Variants in IL2RB observed in about 807,000 individuals in gnomAD.
IL2RB encodes the protein interleukin 2 receptor subunit beta.
In IL2RB, 17 loss-of-function variants were observed where a neutral mutation model predicts 44.2. The ratio of observed to expected loss-of-function variants is 0.38; its 90% CI spans 0.26 to 0.58. IL2RB has a LOEUF of 0.58. Ranked by LOEUF, IL2RB falls within the 20% of genes least tolerant of loss-of-function variation. The probability of loss-of-function intolerance (pLI) is 0.63; values close to 1 mark genes in which losing one functional copy is unlikely to be tolerated. For missense variants in IL2RB, 624 were observed against 685.5 expected (o/e 0.91, Z 1.00); for synonymous variants, 286 against 297.9 (o/e 0.96, Z 0.41).
chr22:37,135,307 A>G, intron 8 of IL2RB, 21 bp downstream of exon 8: 1 of 1,556,200 alleles, frequency 6.4e-7, no homozygotes, highest in Non-Finnish European at 8.9e-7. Flanking sequence ...GCATGAAGGA[A>G]GGGGAGGAGA....
rs775761563 is a variant in IL2RB at position 37,128,995 on chromosome 22, AGC to A, written c.904-149_904-148del. The A allele has an allele frequency of 2.0e-6, 2 of 994,040 alleles. No individual in the cohort carries two copies. Among genetic ancestry groups the A allele is most frequent in the Non-Finnish European group, 2.9e-6 (2 of 697,932 alleles). The allele number at this position is 994,040 out of a possible 1,614,324, so 61.6% of individuals were successfully genotyped here. A position where few individuals can be genotyped will look rare whatever the true frequency, so the allele number is the denominator to read the frequency against. On this transcript the variant is annotated intron_variant, in intron 9 of 9. Transcript: ENST00000216223. This position sits in a 1 kb window ranked among gnomAD's most constrained non-coding sequence, Gnocchi z 4.5. ...CATCCAGGAAGCTCTCCCTGATTATAGCCCCGCACTCCCCCAACCCACCCACT... is the reference window on the plus strand; with the variant it reads ...CATCCAGGAAGCTCTCCCTGATTATACCCGCACTCCCCCAACCCACCCACT...
At position 37,143,523 on chromosome 22, in the gene IL2RB, T is replaced by C. The variant is rs1922067438; in HGVS notation, c.201A>G (p.Arg67=). 1 of 1,603,982 alleles carries C rather than the reference T, an allele frequency of 6.2e-7. No individual in the cohort carries two copies. Among genetic ancestry groups the C allele is most frequent in the African/African-American group, 1.3e-5 (1 of 74,718 alleles). The change falls in exon 3 of 10, where the codon AGA becomes AGG. Residue 67 remains arginine, a splice_region_variant and synonymous_variant. Transcript: ENST00000216223. ...TSCQVHAWPD[R]RRWNQTCELL... The stretch of plus-strand genomic sequence containing the variant: ...TGCAGTGTGGCCAGTGGACTCACCG[T>C]CTGTCCGGCCAGGCATGGACTTGGC...
In IL2RB at chr22:37,126,129, G is replaced by C. The variant is rs1921098472; in HGVS notation, c.*1967C>G. 1 of 152,166 alleles carries C rather than the reference G, an allele frequency of 6.6e-6. No homozygotes were observed. Among genetic ancestry groups the C allele is most frequent in the South Asian group, 2.1e-4 (1 of 4,828 alleles). 9.4% of individuals were successfully genotyped at this position (152,166 alleles called of 1,614,324 possible). On this transcript the variant is annotated 3_prime_UTR_variant, in exon 10 of 10. Coordinates refer to ENST00000216223, the MANE Select transcript of IL2RB (RefSeq NM_000878.5). ...AGAAGGCAAATACAATTTCCATTTG[G>C]GGGGATAAGGAGACCGACTTGCAGA...
chr22:37,168,164 G>A (rs755788140), intron 1 of IL2RB, among the ~76,000 whole-genome samples: 13 of 152,248 alleles, frequency 8.5e-5, no homozygotes, highest in Non-Finnish European at 1.6e-4. Context: ...CTGGTATCAC[G>A]TGAGAAGAGT....
At chr22:37,129,025 C>T (rs1403840001) in intron 9 of IL2RB, among the ~76,000 whole-genome samples, 177 bp from the exon 10 acceptor site, 1 of 152,220 alleles carries the variant, frequency 6.6e-6, no homozygotes, top group South Asian at 2.1e-4. Flanking sequence ...CACCCACTGG[C>T]TTGGGGGCCC....
upstream of IL2RB, among the ~76,000 whole-genome samples, chr22:37,152,056 T>A (rs953551309): frequency 6.6e-6 from 1 of 152,252 alleles, no homozygotes; most frequent in African/African-American, 2.4e-5. Flanking sequence ...ACTCTGCATC[T>A]TTTGTGGTTC....
chr22:37,143,878 G>C (rs1456871032), intron 2 of IL2RB, among the ~76,000 whole-genome samples: 1 of 144,472 alleles, frequency 6.9e-6, no homozygotes, highest in African/African-American at 2.6e-5. Context: ...CTGTGGCTTG[G>C]AGAGGCGTGT....
At chr22:37,147,840 C>T (rs1922297524) in intron 1 of IL2RB, among the ~76,000 whole-genome samples, 1 of 152,232 alleles carries the variant, frequency 6.6e-6, no homozygotes, top group Non-Finnish European at 1.5e-5. Context: ...CTTGGGATCC[C>T]CCAATAGCAG....
chr22:37,154,401 T>A (rs1468902963), upstream of IL2RB, among the ~76,000 whole-genome samples: 4 of 152,214 alleles, frequency 2.6e-5, no homozygotes, highest in African/African-American at 9.6e-5. Flanking sequence ...TGCACCCTCC[T>A]CCCGGCATCA....
At chr22:37,138,704 C>T (rs550802093) in intron 5 of IL2RB, among the ~76,000 whole-genome samples, 9 of 152,298 alleles carry the variant, frequency 5.9e-5, no homozygotes, top group Non-Finnish European at 7.4e-5. Flanking sequence ...GTACAAAGGG[C>T]TAGGGGAGTC....
intron 1 of IL2RB, among the ~76,000 whole-genome samples, chr22:37,145,394 A>G (rs989158789): frequency 8.6e-5 from 13 of 151,830 alleles, no homozygotes; most frequent in African/African-American, 2.9e-4. Context: ...AGTGCCTATT[A>G]TGCACTGGCC....
At chr22:37,170,642 A>G (rs1923251041) in intron 1 of IL2RB, among the ~76,000 whole-genome samples, 1 of 152,076 alleles carries the variant, frequency 6.6e-6, no homozygotes, top group Non-Finnish European at 1.5e-5. Flanking sequence ...AGGGTGCCAC[A>G]TTTGGGGTTC....
intron 1 of IL2RB, among the ~76,000 whole-genome samples, chr22:37,172,503 G>T (rs908600182): frequency 6.6e-6 from 1 of 152,168 alleles, no homozygotes; most frequent in African/African-American, 2.4e-5. Context: ...ATGAGCCCAA[G>T]GGTGGGGTAA....
intron 1 of IL2RB, among the ~76,000 whole-genome samples, chr22:37,165,438 G>A (rs1377885722): frequency 2.0e-5 from 3 of 152,220 alleles, no homozygotes; most frequent in Non-Finnish European, 4.4e-5. Context: ...CTGCCAGTCA[G>A]CATGGAGCGT....
chr22:37,137,826 C>A, intron 5 of IL2RB, 91 bp from the exon 6 acceptor site: 1 of 1,182,708 alleles, frequency 8.5e-7, no homozygotes, highest in South Asian at 1.3e-5. Context: ...GCACATGCTA[C>A]CACCTCCCCT....
intron 1 of IL2RB, among the ~76,000 whole-genome samples, chr22:37,161,519 A>G (rs746172898): frequency 1.3e-5 from 2 of 152,076 alleles, no homozygotes; most frequent in Non-Finnish European, 2.9e-5. Context: ...CCTCCATTCC[A>G]GACCTCAGGC....
At chr22:37,167,700 T>A (rs960931722) in intron 1 of IL2RB, among the ~76,000 whole-genome samples, 28 of 152,214 alleles carry the variant, frequency 1.8e-4, no homozygotes, top group African/African-American at 6.8e-4. Flanking sequence ...CTGGATCAGG[T>A]GCTCATATTC....
Position 37,142,511 on chromosome 22 carries a change from G to C in IL2RB, c.205C>G (p.Arg69Gly), listed in dbSNP as rs117728347. ...CQVHAWPDRRRWNQTCELLPV... is the reference protein window; with the variant it reads ...CQVHAWPDRRGWNQTCELLPV... Reference sequence around the variant, plus strand: ...AGCAGCTCACAGGTTTGGTTCCACCGCCTTTCATGGCAAAAGACCCTCTTT... The same window carrying C: ...AGCAGCTCACAGGTTTGGTTCCACCCCCTTTCATGGCAAAAGACCCTCTTT... The change falls in exon 4 of 10, where the codon CGG becomes GGG. Residue 69 changes from arginine to glycine, a missense_variant and splice_region_variant. Physicochemically the swap from Arg to Gly is moderately radical, Grantham distance 125. This residue lies in a region of IL2RB where 255 missense variants were observed against 339.9 expected (regional missense o/e 0.75). Transcript: ENST00000216223. 1 of 1,614,010 alleles carries C rather than the reference G, an allele frequency of 6.2e-7. No individual in the cohort carries two copies. The highest frequency in any genetic ancestry group is 2.2e-5 in the East Asian group (1 of 44,882).
chr22:37,128,532 G>A lies in IL2RB; in HGVS notation c.1220C>T (p.Pro407Leu). Residue 407 changes from proline to leucine, a missense_variant, in exon 10 of 10, where the codon CCC becomes CTC. Physicochemically the swap from Pro to Leu is moderately conservative, Grantham distance 98. Around this residue, in one of 3 missense-constraint regions of IL2RB, gnomAD observed 291 missense variants for 275.5 expected, o/e 1.06. Transcript: ENST00000216223. This position sits in a 1 kb window ranked among gnomAD's most constrained non-coding sequence, Gnocchi z 4.5. ...GTCCTCCCCTGACAGAGGCTGCAGG[G>A]GTTGGGGGGAAGACCCTGTGGGTGC... ...AGAPTGSSPQ[P>L]LQPLSGEDDA... The A allele has an allele frequency of 2.5e-6, 4 of 1,613,470 alleles. No homozygotes were observed. Among genetic ancestry groups the A allele is most frequent in the Non-Finnish European group, 3.4e-6 (4 of 1,179,550 alleles).
Sources: allele counts gnomAD v4.1 joint callset (sites outside exome capture counted in the v4.1 genomes callset), GRCh38; gene constraint gnomAD v4.1.1; regional missense constraint gnomAD v4.1.1; non-coding constraint Gnocchi (gnomAD v3.1); transcripts MANE v1.5; gene names NCBI Gene and HGNC (gene_info 2026-07-23, HGNC 2026-07-21).